The following ZFP1 variants were observed in gnomAD, a reference collection of about 807,000 sequenced individuals.
ZFP1 encodes the protein ZFP1 zinc finger protein, also known as zinc finger protein 1 homolog.
A neutral mutation model predicts 38.5 loss-of-function variants in ZFP1; 32 were observed. The observed-to-expected ratio is 0.83, with a 90% CI of 0.63 to 1.12. The LOEUF (loss-of-function observed/expected upper bound fraction) is 1.12, where lower values mean the gene tolerates loss of function less well. ZFP1 is among the 50% of genes most tolerant of loss of function. ZFP1 has a pLI of 0.00. For missense variants in ZFP1, 616 were observed against 480.8 expected (o/e 1.28, Z -2.63); for synonymous variants, 245 against 168.8 (o/e 1.45, Z -3.50).
intron 2 of ZFP1, among the ~76,000 whole-genome samples, chr16:75,163,374 A>G (rs8063391): frequency 1 from 152,148 of 152,152 alleles, 76,072 homozygotes; most frequent in Middle Eastern, 1. Context: ...GTGTAGTGGC[A>G]TGATCTCGCT....
the ZFP1 span, among the ~76,000 whole-genome samples, chr16:75,130,954 A>T: frequency 4.6e-5 from 7 of 151,208 alleles, no homozygotes; most frequent in Admixed American, 4.0e-4. Context: ...TGCCCTGCTG[A>T]CCTCCCCACA....
chr16:75,125,765 G>A, the ZFP1 span, among the ~76,000 whole-genome samples: 249 of 152,000 alleles, frequency 1.6e-3, 1 homozygote, highest in East Asian at 0.013. Context: ...TTTTCAGGCC[G>A]GGTGCGGTGG....
At chr16:75,162,074 C>A (rs930434087) in intron 2 of ZFP1, among the ~76,000 whole-genome samples, 1 of 151,534 alleles carries the variant, frequency 6.6e-6, no homozygotes, top group East Asian at 1.9e-4. Context: ...CGTGAACCAC[C>A]GTGCCCAGCC....
upstream of ZFP1, among the ~76,000 whole-genome samples, chr16:75,143,738 A>G (rs986312701): frequency 1.4e-4 from 20 of 142,658 alleles, no homozygotes; most frequent in African/African-American, 4.5e-4. Context: ...TGCAGCGTCA[A>G]CCTCCTGGGC....
intron 1 of ZFP1, 127 bp downstream of exon 1, chr16:75,148,770 AG>A (rs1567519312): frequency 1.3e-5 from 2 of 152,238 alleles, no homozygotes; most frequent in African/African-American, 4.8e-5. Flanking sequence ...AGTGACCCTC[AG>A]GGCGGCGTCC....
At chr16:75,169,167 A>G (rs986938737) in intron 3 of ZFP1, 86 bp from the exon 4 acceptor site, 11 of 1,465,162 alleles carry the variant, frequency 7.5e-6, no homozygotes, top group Middle Eastern at 1.8e-4. Flanking sequence ...CAGCCCTGTG[A>G]TAGAACACGT....
the ZFP1 span, chr16:75,127,873 A>G: frequency 6.6e-6 from 1 of 152,224 alleles, no homozygotes; most frequent in Non-Finnish European, 1.5e-5. Flanking sequence ...TTAACAATTG[A>G]GTTAAGTATA....
In ZFP1 at chr16:75,152,975, T is replaced by G; in HGVS notation, c.15+9T>G. On this transcript the variant is annotated intron_variant, in intron 2 of 3. Transcript: ENST00000570010. ...AAATGAACAAATCCCAGGTGAGTTG[T>G]TTGTTTATTCCCCATTTTGCTTTTC... 1 of 1,613,692 alleles carries G rather than the reference T, an allele frequency of 6.2e-7. No homozygotes were observed. Among genetic ancestry groups the G allele is most frequent in the South Asian group, 1.1e-5 (1 of 90,950 alleles).
At chr16:75,154,465 C>T (rs1465346272) in intron 2 of ZFP1, among the ~76,000 whole-genome samples, 1 of 152,092 alleles carries the variant, frequency 6.6e-6, no homozygotes, top group African/African-American at 2.4e-5. Flanking sequence ...ACCAAGGCCC[C>T]TGGATCATAC....
chr16:75,131,195 C>T, the ZFP1 span, among the ~76,000 whole-genome samples: 22 of 152,236 alleles, frequency 1.4e-4, no homozygotes, highest in African/African-American at 5.3e-4. Flanking sequence ...ATCAGTGTCC[C>T]ACTTAGAGTG....
the ZFP1 span, among the ~76,000 whole-genome samples, chr16:75,121,196 G>A: frequency 2.0e-5 from 3 of 148,894 alleles, no homozygotes; most frequent in South Asian, 2.1e-4. Context: ...ACAGAGTCTC[G>A]CTGTCACCCA....
the ZFP1 span, among the ~76,000 whole-genome samples, chr16:75,134,620 C>T: frequency 7.9e-5 from 12 of 151,650 alleles, no homozygotes; most frequent in African/African-American, 1.2e-4. Context: ...GGCGTGGTGG[C>T]GGGCACCTGT....
chr16:75,128,147 C>A, the ZFP1 span, among the ~76,000 whole-genome samples: 1 of 152,152 alleles, frequency 6.6e-6, no homozygotes, highest in African/African-American at 2.4e-5. Flanking sequence ...GGCCTCATAC[C>A]TTTGTCTACA....
At chr16:75,163,739 A>G (rs1181792626) in intron 2 of ZFP1, among the ~76,000 whole-genome samples, 1 of 151,480 alleles carries the variant, frequency 6.6e-6, no homozygotes, top group Non-Finnish European at 1.5e-5. Context: ...AACCTCCCAC[A>G]TAGCTGGGAC....
intron 3 of ZFP1, among the ~76,000 whole-genome samples, chr16:75,168,144 A>G (rs1331326558): frequency 6.6e-6 from 1 of 152,216 alleles, no homozygotes; most frequent in African/African-American, 2.4e-5. Flanking sequence ...GGCATGAGCC[A>G]GTGTGCCTGG....
At chr16:75,120,873 C>T in the ZFP1 span, among the ~76,000 whole-genome samples, 1 of 152,100 alleles carries the variant, frequency 6.6e-6, no homozygotes, top group Admixed American at 6.6e-5. Flanking sequence ...GATCCGCCCG[C>T]CTCAGCCTCC....
At chr16:75,131,896 T>A in the ZFP1 span, among the ~76,000 whole-genome samples, 1 of 147,198 alleles carries the variant, frequency 6.8e-6, no homozygotes, top group Non-Finnish European at 1.5e-5. Context: ...ACCCAGGAGG[T>A]GGAGGTTACA....
In ZFP1 at chr16:75,157,137, C is replaced by T. The variant is rs528967986; in HGVS notation, c.15+4171C>T. ...TCTCATGTTGATCTTTTGTTTGCAGCGTCTCTTTTTTGGATTACTGTTGTT... is the reference window on the plus strand; with the variant it reads ...TCTCATGTTGATCTTTTGTTTGCAGTGTCTCTTTTTTGGATTACTGTTGTT... On this transcript the variant is annotated intron_variant, in intron 2 of 3. Transcript: ENST00000570010. 6 of 152,070 alleles carry T rather than the reference C, an allele frequency of 3.9e-5. No homozygotes were observed. In the South Asian group the frequency reaches 8.3e-4, roughly 21 times the overall value. 9.4% of individuals were successfully genotyped at this position (152,070 alleles called of 1,614,324 possible).
the ZFP1 span, among the ~76,000 whole-genome samples, chr16:75,140,776 G>A: frequency 5.9e-5 from 9 of 152,144 alleles, no homozygotes; most frequent in Middle Eastern, 3.2e-3. Context: ...TGGCTAACGC[G>A]GTGAAACCCC....
Sources: allele counts gnomAD v4.1 joint callset (sites outside exome capture counted in the v4.1 genomes callset), GRCh38; gene constraint gnomAD v4.1.1; transcripts MANE v1.5; gene names NCBI Gene and HGNC (gene_info 2026-07-23, HGNC 2026-07-21).